The following VPS13D variants were observed in gnomAD, a reference collection of about 807,000 sequenced individuals.
VPS13D encodes the protein intermembrane lipid transfer protein VPS13D.
In VPS13D, 187 loss-of-function variants were observed where a neutral mutation model predicts 461.9. The ratio of observed to expected loss-of-function variants is 0.40; its 90% CI spans 0.36 to 0.46. VPS13D has a LOEUF of 0.46. VPS13D is among the 20% of genes least tolerant of loss of function. The pLI is 0.60. For missense variants in VPS13D, 4,711 were observed against 5,364.9 expected (o/e 0.88, Z 3.81); for synonymous variants, 1,951 against 1,986.3 (o/e 0.98, Z 0.47).
At chr1:12,284,531 C>A (rs1265254231) in intron 21 of VPS13D, among the ~76,000 whole-genome samples, 1 of 152,118 alleles carries the variant, frequency 6.6e-6, no homozygotes, top group African/African-American at 2.4e-5. Flanking sequence ...TGTGATAGAC[C>A]AGTAGGATGT....
intron 38 of VPS13D, among the ~76,000 whole-genome samples, chr1:12,334,794 A>C (rs1353117161): frequency 4.6e-5 from 7 of 152,146 alleles, no homozygotes; most frequent in Non-Finnish European, 8.8e-5. Context: ...AAAATCTTCC[A>C]AAAGGCATTC....
chr1:12,360,297 T>C (rs1005931355), intron 50 of VPS13D, among the ~76,000 whole-genome samples: 2 of 152,198 alleles, frequency 1.3e-5, no homozygotes, highest in African/African-American at 4.8e-5. Flanking sequence ...TTGAATATTT[T>C]GAAGAATAGG....
intron 5 of VPS13D, among the ~76,000 whole-genome samples, chr1:12,248,720 C>A (rs1431984970): frequency 6.6e-6 from 1 of 152,202 alleles, no homozygotes; most frequent in South Asian, 2.1e-4. Context: ...AGGGGAAATA[C>A]ATATATACAT....
At chr1:12,287,665 T>C (rs942525620) in intron 21 of VPS13D, among the ~76,000 whole-genome samples, 1 of 152,200 alleles carries the variant, frequency 6.6e-6, no homozygotes, top group Non-Finnish European at 1.5e-5. Flanking sequence ...CATTATGAAA[T>C]TTATTTGTTA....
rs1378461504 is a variant in VPS13D at position 12,308,556 on chromosome 1, C to T, written c.6565C>T (p.Pro2189Ser). 1 of 1,614,050 alleles carries T rather than the reference C, an allele frequency of 6.2e-7. No individual in the cohort carries two copies. The highest frequency in any genetic ancestry group is 1.7e-5 in the Admixed American group (1 of 60,004). The change falls in exon 27 of 70, where the codon CCT becomes TCT. Residue 2189 changes from proline (P) to serine (S), a missense_variant. Transcript: ENST00000620676. ...GGATAGTAGTGGAGATCTGATCTTC[C>T]CTTCCTATTTTGTGCGACAGACAGG... Reference protein sequence around the residue: ...PEDSSGDLIFPSYFVRQTGGS... With the variant: ...PEDSSGDLIFSSYFVRQTGGS...
chr1:12,357,726 C>A (rs986221486), intron 49 of VPS13D, among the ~76,000 whole-genome samples: 1 of 152,150 alleles, frequency 6.6e-6, no homozygotes, highest in African/African-American at 2.4e-5. Flanking sequence ...TAGTATCAGG[C>A]CGGCTGGGTA....
chr1:12,357,798 G>C (rs984115154), intron 49 of VPS13D, among the ~76,000 whole-genome samples: 4 of 152,154 alleles, frequency 2.6e-5, no homozygotes, highest in Admixed American at 2.0e-4. Flanking sequence ...AAGGTCAGGG[G>C]TTTGAGACCA....
At chr1:12,409,956 G>T (rs1644701928) in intron 63 of VPS13D, 1 of 454,202 alleles carries the variant, frequency 2.2e-6, no homozygotes, top group South Asian at 1.6e-5. Context: ...AAGCAGTGTG[G>T]GGAGAAAGGT....
intron 60 of VPS13D, 129 bp downstream of exon 60, chr1:12,386,463 T>C (rs1306577497): frequency 9.0e-7 from 1 of 1,106,266 alleles, no homozygotes; most frequent in Admixed American, 3.2e-5. Flanking sequence ...AAAAAATCAT[T>C]CTGTGAAATA....
intron 68 of VPS13D, chr1:12,499,805 A>C: frequency 1.0e-6 from 1 of 985,404 alleles, no homozygotes; most frequent in Non-Finnish European, 1.2e-6. Flanking sequence ...AAGTGTCCTC[A>C]GTTGTCAGCC....
intron 67 of VPS13D, among the ~76,000 whole-genome samples, chr1:12,482,412 CA>C (rs1458659329): frequency 6.6e-6 from 1 of 152,224 alleles, no homozygotes; most frequent in Admixed American, 6.5e-5. Context: ...ATTTTAAATG[CA>C]TATTAGACAT....
chr1:12,460,949 C>G (rs972422051), intron 67 of VPS13D, among the ~76,000 whole-genome samples: 1 of 152,166 alleles, frequency 6.6e-6, no homozygotes, highest in African/African-American at 2.4e-5. Flanking sequence ...CCCCATCCCC[C>G]CAGCAGGTCA....
chr1:12,318,461 T>C, intron 31 of VPS13D, 124 bp downstream of exon 31: 3 of 1,249,246 alleles, frequency 2.4e-6, no homozygotes, highest in Non-Finnish European at 3.3e-6. Context: ...TTTGCCTCTT[T>C]TACAGACCTG....
chr1:12,382,652 T>G (rs1268681204), intron 57 of VPS13D, among the ~76,000 whole-genome samples: 1 of 152,210 alleles, frequency 6.6e-6, no homozygotes, highest in African/African-American at 2.4e-5. Flanking sequence ...AAGAAACAGC[T>G]AGTTTTGGCT....
intron 25 of VPS13D, among the ~76,000 whole-genome samples, chr1:12,303,738 G>A (rs551223500): frequency 2.0e-5 from 3 of 152,180 alleles, no homozygotes; most frequent in Non-Finnish European, 4.4e-5. Flanking sequence ...ATGGCAAGAT[G>A]GGAACCATGA....
chr1:12,447,360 T>C (rs1159646384), intron 65 of VPS13D, among the ~76,000 whole-genome samples: 1 of 152,194 alleles, frequency 6.6e-6, no homozygotes, highest in Non-Finnish European at 1.5e-5. Flanking sequence ...ATCTGTAAAA[T>C]GAGCATAATA....
intron 31 of VPS13D, among the ~76,000 whole-genome samples, 157 bp downstream of exon 31, chr1:12,318,494 C>G (rs1456643765): frequency 3.3e-5 from 5 of 152,230 alleles, no homozygotes; most frequent in Non-Finnish European, 7.3e-5. Context: ...GTCTTGGCCT[C>G]CATTTTCAGG....
intron 58 of VPS13D, 114 bp downstream of exon 58, chr1:12,383,269 A>G: frequency 1.8e-6 from 2 of 1,110,274 alleles, no homozygotes; most frequent in Non-Finnish European, 2.5e-6. Flanking sequence ...AAGATATGGT[A>G]TCTTCATCTG....
Position 12,234,242 on chromosome 1 carries a change from A to G in VPS13D, c.-25A>G. On this transcript the variant is annotated 5_prime_UTR_variant, in exon 2 of 70. The change abolishes the stop of an existing upstream ORF in the 5' untranslated region. Transcript: ENST00000620676. ...AATAAAGAATGATCCATGATTTCTA[A>G]ACACCTTTTCCTGAGGATATAGTCA... 6.6e-7 allele frequency: 1 copy of G among 1,518,800 alleles called. No individual in the cohort carries two copies. The highest frequency in any genetic ancestry group is 1.1e-5 in the South Asian group (1 of 87,408). The allele number at this position is 1,518,800 out of a possible 1,614,324, so 94.1% of individuals were successfully genotyped here.
Sources: gnomAD v4.1 joint callset for allele counts (sites outside exome capture counted in the v4.1 genomes callset) on GRCh38, gnomAD v4.1.1 for gene constraint, MANE v1.5 for transcripts, NCBI Gene and HGNC (gene_info 2026-07-23, HGNC 2026-07-21) for gene names.